The following MAP4K1 variants were observed in gnomAD, a reference collection of about 807,000 sequenced individuals.
MAP4K1 encodes the protein MAPK/ERK kinase kinase kinase 1.
A neutral mutation model predicts 122.8 loss-of-function variants in MAP4K1; 35 were observed. The ratio of observed to expected loss-of-function variants is 0.29; its 90% CI spans 0.22 to 0.38. The LOEUF (loss-of-function observed/expected upper bound fraction) is 0.38. Ranked by LOEUF, MAP4K1 falls within the 10% of genes least tolerant of loss-of-function variation. MAP4K1 has a pLI of 1.00. For synonymous variants in MAP4K1, 412 were observed against 421.3 expected (o/e 0.98, Z 0.27); for missense variants, 791 against 1,072.6 (o/e 0.74, Z 3.67).
In MAP4K1 at chr19:38,596,501, G is replaced by C; in HGVS notation, c.1942-15C>G. 1.3e-6 allele frequency: 2 copies of C among 1,526,086 alleles called. No individual in the cohort carries two copies. The highest frequency in any genetic ancestry group is 2.4e-5 in the South Asian group (2 of 82,602). 94.5% of individuals were successfully genotyped at this position (1,526,086 alleles called of 1,614,324 possible). A position where few individuals can be genotyped will look rare whatever the true frequency, so the allele number is the denominator to read the frequency against. On this transcript the variant is annotated splice_polypyrimidine_tract_variant and intron_variant, in intron 25 of 30. Transcript: ENST00000396857. Reference sequence around the variant, plus strand: ...AACAGCACCTGCTGCGGGCCGCACAGGGAGGGGCGGGCTAGGGGGTGGTTC... The same window carrying C: ...AACAGCACCTGCTGCGGGCCGCACACGGAGGGGCGGGCTAGGGGGTGGTTC...
chr19:38,608,555 G>T (rs1482036726), intron 13 of MAP4K1, among the ~76,000 whole-genome samples: 1 of 151,994 alleles, frequency 6.6e-6, no homozygotes, highest in Non-Finnish European at 1.5e-5. Context: ...CCAGCACTTT[G>T]GGAGGTGAGG....
chr19:38,594,119 A>G (rs1364889892), intron 29 of MAP4K1, among the ~76,000 whole-genome samples: 1 of 152,100 alleles, frequency 6.6e-6, no homozygotes, highest in Non-Finnish European at 1.5e-5. Context: ...GGGGAACAGA[A>G]GCTTAAAGAG....
chr19:38,595,796 A>G, intron 27 of MAP4K1, 67 bp from the exon 28 acceptor site: 1 of 1,496,434 alleles, frequency 6.7e-7, no homozygotes, highest in Non-Finnish European at 9.3e-7. Context: ...GGACCAATCC[A>G]TAAATTCAGT....
chr19:38,610,472 G>A (rs1018573994), intron 11 of MAP4K1, among the ~76,000 whole-genome samples: 9 of 131,342 alleles, frequency 6.9e-5, no homozygotes, highest in East Asian at 5.1e-4. Context: ...TATAGCCTCC[G>A]CCTCCTGGGT....
chr19:38,612,892 G>A (rs1039163200), intron 8 of MAP4K1, 150 bp from the exon 9 acceptor site: 7 of 805,552 alleles, frequency 8.7e-6, no homozygotes, highest in Admixed American at 7.2e-5. Flanking sequence ...GACACAGGCA[G>A]ATGAAGACAG....
intron 19 of MAP4K1, among the ~76,000 whole-genome samples, chr19:38,602,859 TATATACACATGTAC>T (rs1975147714): frequency 6.7e-6 from 1 of 148,692 alleles, no homozygotes; most frequent in East Asian, 2.1e-4. Flanking sequence ...CACATATACA[TATATACACATGTAC>T]ATATATACTT....
intron 29 of MAP4K1, 60 bp from the exon 30 acceptor site, chr19:38,593,397 A>G: frequency 2.7e-6 from 4 of 1,475,296 alleles, no homozygotes; most frequent in South Asian, 1.2e-5. Flanking sequence ...CACTACGAAC[A>G]TGGCTCCCTT....
intron 17 of MAP4K1, 132 bp downstream of exon 17, chr19:38,606,041 A>G (rs571927182): frequency 1.4e-6 from 1 of 731,248 alleles, no homozygotes; most frequent in Admixed American, 2.7e-5. Flanking sequence ...TCCAGATCCC[A>G]ATGTAGCCAT....
chr19:38,605,376 G>T, intron 19 of MAP4K1, 33 bp downstream of exon 19: 1 of 1,170,926 alleles, frequency 8.5e-7, no homozygotes, highest in South Asian at 1.3e-5. Flanking sequence ...GCCCCGTCCA[G>T]AGGTGTAAGT....
intron 19 of MAP4K1, among the ~76,000 whole-genome samples, chr19:38,602,625 CATAT>C (rs576712549): frequency 6.9e-6 from 1 of 143,898 alleles, no homozygotes; most frequent in Non-Finnish European, 1.5e-5. Flanking sequence ...TACACATATA[CATAT>C]ATATACACAC....
At position 38,605,562 on chromosome 19, in the gene MAP4K1, C is replaced by T; in HGVS notation, c.1363+6G>A. ...TCCCGCCCTCCACCCTAGCCTGTCCCATTACCTGAATGGGCGGTGAGGTGG... is the reference window on the plus strand; with the variant it reads ...TCCCGCCCTCCACCCTAGCCTGTCCTATTACCTGAATGGGCGGTGAGGTGG... On this transcript the variant is annotated splice_donor_region_variant and intron_variant, in intron 18 of 30. Transcript: ENST00000396857. 6.5e-7 allele frequency: 1 copy of T among 1,536,428 alleles called. No individual in the cohort carries two copies. The highest frequency in any genetic ancestry group is 1.2e-5 in the South Asian group (1 of 82,916).
chr19:38,591,917 G>A (rs1406349971), intron 30 of MAP4K1, among the ~76,000 whole-genome samples: 2 of 150,294 alleles, frequency 1.3e-5, no homozygotes, highest in Non-Finnish European at 2.9e-5. Context: ...GTTGTGGTGA[G>A]CTGAAATCAC....
intron 30 of MAP4K1, among the ~76,000 whole-genome samples, chr19:38,590,662 G>T (rs1481702929): frequency 2.0e-5 from 3 of 151,294 alleles, no homozygotes; most frequent in Non-Finnish European, 2.9e-5. Flanking sequence ...TTTACTAGAG[G>T]TGGGGTTTCT....
rs372985013 is a variant in MAP4K1, at chr19:38,607,099, G to A, written c.1157+765C>T. Among the ~76,000 whole-genome samples the A allele has an allele frequency of 2.0e-5, 3 of 152,186 alleles. No homozygotes were observed. In the South Asian group the frequency reaches 6.2e-4, roughly 32 times the overall value. Reference sequence around the variant, plus strand: ...GGTCTGGGGTGAGAGTGACATTCGGGAGGAGTTTGAGACTGGGATGTGGCT... The same window carrying A: ...GGTCTGGGGTGAGAGTGACATTCGGAAGGAGTTTGAGACTGGGATGTGGCT... On this transcript the variant is annotated intron_variant, in intron 16 of 30. Coordinates refer to ENST00000396857, the MANE Select transcript of MAP4K1 (RefSeq NM_001042600.3).
In MAP4K1 at chr19:38,607,892, A is replaced by G; in HGVS notation, c.1129T>C (p.Ser377Pro). 1.2e-6 allele frequency: 2 copies of G among 1,612,282 alleles called. No homozygotes were observed. The highest frequency in any genetic ancestry group is 1.7e-6 in the Non-Finnish European group (2 of 1,179,296). The change falls in exon 16 of 31, where the codon TCT becomes CCT. Residue 377 changes from serine (S) to proline (P), a missense_variant. Ser to Pro is a moderately conservative substitution (Grantham distance 74). Coordinates refer to ENST00000396857, the MANE Select transcript of MAP4K1 (RefSeq NM_001042600.3). Reference sequence around the variant, plus strand: ...TCCACGTCGTCATAGTCATCGTCAGACGACTCTGACAGTTGCTTCCTGAAG... The same window carrying G: ...TCCACGTCGTCATAGTCATCGTCAGGCGACTCTGACAGTTGCTTCCTGAAG... ...SSPRKQLSES[S>P]DDDYDDVDIP...
rs373548595 is a variant in MAP4K1, at chr19:38,617,670, A to C, written c.100-45T>G. 2.0e-5 allele frequency: 32 copies of C among 1,611,490 alleles called. No individual in the cohort carries two copies. Among genetic ancestry groups the C allele is most frequent in the Non-Finnish European group, 2.7e-5 (32 of 1,177,618 alleles). On this transcript the variant is annotated intron_variant, in intron 1 of 30. Coordinates refer to ENST00000396857, the MANE Select transcript of MAP4K1 (RefSeq NM_001042600.3). The surrounding 1 kb of genome is among the most constrained non-coding windows in gnomAD (Gnocchi z 4.1). ...CAGTCAGGCAGGCTCCATTTGCCAG[A>C]GTCCCTCCACAGCATCCCTGAGTCA...
chr19:38,605,577 C>T lies in MAP4K1; in HGVS notation c.1354G>A (p.Ala452Thr), dbSNP rs758428806. Residue 452 changes from alanine (A) to threonine (T), a missense_variant, in exon 18 of 31, where the codon GCC becomes ACC. Physicochemically the swap from Ala to Thr is moderately conservative, Grantham distance 58 (BLOSUM62 0). Transcript: ENST00000396857. ...TAGCCTGTCCCATTACCTGAATGGG[C>T]GGTGAGGTGGGGGCTGCTGGTGGAT... ...PPSTSSPHLT[A>T]HSEPSLWNPP... is the part of the protein sequence containing the mutation. 12 of 1,534,754 alleles carry T rather than the reference C, an allele frequency of 7.8e-6. No homozygotes were observed. Among genetic ancestry groups the T allele is most frequent in the African/African-American group, 5.6e-5 (4 of 71,792 alleles).
chr19:38,604,557 G>A (rs886959655), intron 19 of MAP4K1, among the ~76,000 whole-genome samples: 6 of 151,888 alleles, frequency 4.0e-5, no homozygotes, highest in East Asian at 1.9e-4. Context: ...TTGGGAGGCC[G>A]AGGCGGGCAG....
intron 19 of MAP4K1, among the ~76,000 whole-genome samples, chr19:38,602,539 CAT>C (rs571305272): frequency 8.7e-4 from 129 of 147,996 alleles, no homozygotes; most frequent in African/African-American, 1.6e-3. Flanking sequence ...CATATATACA[CAT>C]ATACATATAT....
Sources: allele counts gnomAD v4.1 joint callset (sites outside exome capture counted in the v4.1 genomes callset), GRCh38; gene constraint gnomAD v4.1.1; non-coding constraint Gnocchi (gnomAD v3.1); transcripts MANE v1.5; gene names NCBI Gene and HGNC (gene_info 2026-07-23, HGNC 2026-07-21).